Variants in USP48 observed in about 807,000 individuals in gnomAD.
USP48 encodes the protein ubiquitin specific peptidase 48.
A neutral mutation model predicts 150.7 loss-of-function variants in USP48; 43 were observed. The observed-to-expected ratio is 0.29, with a 90% CI of 0.22 to 0.37. The LOEUF (loss-of-function observed/expected upper bound fraction) is 0.37. USP48 is among the 10% of genes least tolerant of loss of function. The pLI is 1.00. For missense variants in USP48, 813 were observed against 1,249.6 expected (o/e 0.65, Z 5.27); for synonymous variants, 396 against 425.9 (o/e 0.93, Z 0.86).
chr1:21,747,729 C>T (rs576028258), intron 7 of USP48, among the ~76,000 whole-genome samples: 63 of 152,128 alleles, frequency 4.1e-4, no homozygotes, highest in African/African-American at 1.3e-3. Flanking sequence ...CCTGCCACCA[C>T]GCCCGGCTAA....
At chr1:21,709,723 T>C (rs1557468149) in intron 15 of USP48, among the ~76,000 whole-genome samples, 1 of 152,196 alleles carries the variant, frequency 6.6e-6, no homozygotes, top group Non-Finnish European at 1.5e-5. Context: ...CACGGCTTCA[T>C]TCTGATGTGG....
rs912035168 is a variant in USP48 at position 21,783,134 on chromosome 1, C to T, written c.-177G>A. 3 of 990,456 alleles carry T rather than the reference C, an allele frequency of 3.0e-6. No homozygotes were observed. The highest frequency in any genetic ancestry group is 3.4e-5 in the African/African-American group (2 of 58,334). The allele number at this position is 990,456 out of a possible 1,614,324, so 61.4% of individuals were successfully genotyped here. A position where few individuals can be genotyped will look rare whatever the true frequency, so the allele number is the denominator to read the frequency against. Reference sequence around the variant, plus strand: ...GCCGCCGCGCCCGCCCGCGCCCGACCCGCACGACCGGCCGCAAAGCGCCGC... The same window carrying T: ...GCCGCCGCGCCCGCCCGCGCCCGACTCGCACGACCGGCCGCAAAGCGCCGC... On this transcript the variant is annotated 5_prime_UTR_variant, in exon 1 of 27. Coordinates refer to ENST00000308271, the MANE Select transcript of USP48 (RefSeq NM_032236.8).
At chr1:21,740,603 G>A (rs960843554) in intron 8 of USP48, among the ~76,000 whole-genome samples, 1 of 152,164 alleles carries the variant, frequency 6.6e-6, no homozygotes, top group African/African-American at 2.4e-5. Flanking sequence ...GTCCTGGGAC[G>A]AGTGACAATC....
intron 23 of USP48, among the ~76,000 whole-genome samples, chr1:21,693,360 C>T (rs979477982): frequency 6.6e-6 from 1 of 152,156 alleles, no homozygotes; most frequent in African/African-American, 2.4e-5. Context: ...GGCAAATAGG[C>T]TCACATCTAG....
intron 15 of USP48, among the ~76,000 whole-genome samples, chr1:21,711,567 G>A (rs1369174054): frequency 4.6e-5 from 7 of 152,282 alleles, no homozygotes; most frequent in East Asian, 1.9e-4. Flanking sequence ...TACAGCTTCC[G>A]AAGAGCGACA....
chr1:21,730,729 G>A (rs2097754674), intron 9 of USP48, among the ~76,000 whole-genome samples: 1 of 150,864 alleles, frequency 6.6e-6, no homozygotes. Flanking sequence ...TCACTAAAGG[G>A]AATATGGGAC....
At chr1:21,727,838 A>G (rs1446345097) in intron 11 of USP48, 2 of 968,706 alleles carry the variant, frequency 2.1e-6, no homozygotes, top group Non-Finnish European at 2.5e-6. Flanking sequence ...AAAAAGACAA[A>G]CCACAAGTAC....
chr1:21,727,310 T>C (rs2097741090), intron 11 of USP48, among the ~76,000 whole-genome samples: 3 of 152,192 alleles, frequency 2.0e-5, no homozygotes, highest in African/African-American at 4.8e-5. Flanking sequence ...AAAAGAATTA[T>C]ATAGCTCATA....
chr1:21,719,205 C>CG lies in USP48; in HGVS notation c.1894+1830dup, dbSNP rs896916538. 9.7e-4 allele frequency among the ~76,000 whole-genome samples: 34 copies of CG among 34,920 alleles called. No homozygotes were observed. In the East Asian group the frequency reaches 0.016, roughly 16 times the overall value. The allele number at this position is 34,920 out of a possible 152,430, so 22.9% of individuals were successfully genotyped here. On this transcript the variant is annotated intron_variant, in intron 14 of 26. Coordinates refer to ENST00000308271, the MANE Select transcript of USP48 (RefSeq NM_032236.8). ...TTGAACTGGGCGGAGGGACGGGGGG[C>CG]GGGGGGGCAGAGGTTGCAGTGAGCC...
chr1:21,707,990 T>TG (rs1266881449), intron 15 of USP48, among the ~76,000 whole-genome samples: 1 of 148,486 alleles, frequency 6.7e-6, no homozygotes, highest in Non-Finnish European at 1.5e-5. Context: ...GATGAAACCC[T>TG]GCGTCTACTA....
chr1:21,706,678 T>G, intron 16 of USP48, 66 bp downstream of exon 16: 3 of 1,611,222 alleles, frequency 1.9e-6, no homozygotes, highest in Non-Finnish European at 2.5e-6. Flanking sequence ...ACAGTGTTAA[T>G]TCCCCTGGGA....
intron 9 of USP48, among the ~76,000 whole-genome samples, chr1:21,732,211 G>A (rs1002148055): frequency 2.6e-5 from 4 of 152,154 alleles, no homozygotes; most frequent in African/African-American, 9.6e-5. Flanking sequence ...CCCAGAAGGC[G>A]GAGATTGTGG....
chr1:21,740,631 T>C (rs2097779435), intron 8 of USP48, among the ~76,000 whole-genome samples: 1 of 151,962 alleles, frequency 6.6e-6, no homozygotes, highest in African/African-American at 2.4e-5. Flanking sequence ...ATGAGTACCA[T>C]CAAAACACAC....
intron 25 of USP48, 26 bp from the exon 26 acceptor site, chr1:21,680,860 T>C (rs2097563790): frequency 6.4e-7 from 1 of 1,562,378 alleles, no homozygotes; most frequent in African/African-American, 1.4e-5. Flanking sequence ...AAAGAAGAAT[T>C]CCAAATTGAA....
At chr1:21,757,071 T>A in intron 2 of USP48, 1 of 898,274 alleles carries the variant, frequency 1.1e-6, no homozygotes. Context: ...AATGACAAAG[T>A]AAAACTTATG....
At chr1:21,721,812 TTCC>T (rs2097721536) in intron 12 of USP48, 48 bp from the exon 13 acceptor site, 1 of 1,346,748 alleles carries the variant, frequency 7.4e-7, no homozygotes, top group Non-Finnish European at 1.0e-6. Flanking sequence ...TCAAACAGAC[TTCC>T]TGTTAGGAAA....
rs916311016 is a variant in USP48 at position 21,729,721 on chromosome 1, G to A, written c.1283C>T (p.Thr428Ile). ...TGCTTTACCTGGAACTTGAACAGTA[G>A]TGTTGGGCTTTTCTTGAGTTTGCAG... is the stretch of plus-strand genomic sequence containing the variant. ...YRLQTQEKPN[T>I]TVQVPAFLQE... The change falls in exon 10 of 27, where the codon ACT becomes ATT. Residue 428 changes from threonine to isoleucine, a missense_variant. Transcript: ENST00000308271. The A allele has an allele frequency of 4.8e-5, 77 of 1,613,950 alleles. No homozygotes were observed. The highest frequency in any genetic ancestry group is 6.5e-5 in the Non-Finnish European group (77 of 1,179,968).
chr1:21,699,627 C>T (rs373246349), intron 22 of USP48, among the ~76,000 whole-genome samples: 1 of 151,800 alleles, frequency 6.6e-6, no homozygotes, highest in Non-Finnish European at 1.5e-5. Context: ...CATTCTTCTG[C>T]CTCAGCCTCC....
intron 10 of USP48, among the ~76,000 whole-genome samples, chr1:21,729,321 G>T (rs1482335783): frequency 6.6e-6 from 1 of 150,518 alleles, no homozygotes; most frequent in Non-Finnish European, 1.5e-5. Context: ...ATGCCACCAA[G>T]CTTAGAAAAG....
Sources: gnomAD v4.1 joint callset for allele counts (sites outside exome capture counted in the v4.1 genomes callset) on GRCh38, gnomAD v4.1.1 for gene constraint, MANE v1.5 for transcripts, NCBI Gene and HGNC (gene_info 2026-07-23, HGNC 2026-07-21) for gene names.